ARHGAP15: variants seen among roughly 807,000 people sequenced by gnomAD.
ARHGAP15 encodes the protein rho GTPase-activating protein 15.
Under a neutral mutation model 63.7 loss-of-function variants are expected in ARHGAP15, and 51 were observed. The observed-to-expected ratio is 0.80, with a 90% CI of 0.64 to 1.01. The LOEUF (loss-of-function observed/expected upper bound fraction) is 1.01, where lower values mean the gene tolerates loss of function less well. Ranked by LOEUF, ARHGAP15 falls within the 50% of genes least tolerant of loss-of-function variation. The pLI is 0.00. For synonymous variants in ARHGAP15, 191 were observed against 193.8 expected (o/e 0.99, Z 0.12); for missense variants, 560 against 564.6 (o/e 0.99, Z 0.08).
chr2:143,712,112 G>T (rs528095544), intron 13 of ARHGAP15, among the ~76,000 whole-genome samples: 2 of 152,170 alleles, frequency 1.3e-5, no homozygotes, highest in African/African-American at 4.8e-5. Context: ...AGTAGTCCAA[G>T]CTAGAGATCC....
intron 8 of ARHGAP15, among the ~76,000 whole-genome samples, chr2:143,438,053 G>C (rs1037072055): frequency 6.6e-6 from 1 of 152,148 alleles, no homozygotes; most frequent in African/African-American, 2.4e-5. Context: ...TTTGGAACCA[G>C]AGAAAACCTA....
chr2:143,252,843 T>C (rs1680225893), intron 6 of ARHGAP15, among the ~76,000 whole-genome samples: 1 of 152,074 alleles, frequency 6.6e-6, no homozygotes, highest in Admixed American at 6.6e-5. Flanking sequence ...TAAATCTAGA[T>C]GACTTGCATC....
intron 6 of ARHGAP15, among the ~76,000 whole-genome samples, chr2:143,431,585 A>T (rs1689392617): frequency 6.6e-6 from 1 of 152,024 alleles, no homozygotes; most frequent in South Asian, 2.1e-4. Flanking sequence ...TGCCTGCAGT[A>T]ACTACTCCTT....
At chr2:143,305,030 T>C (rs1683104404) in intron 6 of ARHGAP15, among the ~76,000 whole-genome samples, 1 of 152,074 alleles carries the variant, frequency 6.6e-6, no homozygotes, top group South Asian at 2.1e-4. Context: ...TGCACACATA[T>C]GTCTATTGTG....
At chr2:143,194,253 AGTT>A (rs1191374238) in intron 2 of ARHGAP15, among the ~76,000 whole-genome samples, 1 of 152,180 alleles carries the variant, frequency 6.6e-6, no homozygotes, top group Non-Finnish European at 1.5e-5. Context: ...ATATGACTTT[AGTT>A]GTGGATAAAA....
At chr2:143,348,473 CTG>C (rs1464314391) in intron 6 of ARHGAP15, among the ~76,000 whole-genome samples, 2 of 151,978 alleles carry the variant, frequency 1.3e-5, no homozygotes, top group East Asian at 1.9e-4. Context: ...TAAAAAAAAA[CTG>C]TTATTTTCAA....
At chr2:143,433,661 A>C (rs1689482463) in intron 6 of ARHGAP15, among the ~76,000 whole-genome samples, 1 of 152,140 alleles carries the variant, frequency 6.6e-6, no homozygotes, top group Non-Finnish European at 1.5e-5. Flanking sequence ...ACTAGACTGC[A>C]AGCTGAACTA....
At chr2:143,274,596 C>T (rs1426253304) in intron 6 of ARHGAP15, among the ~76,000 whole-genome samples, 1 of 152,172 alleles carries the variant, frequency 6.6e-6, no homozygotes, top group Non-Finnish European at 1.5e-5. Flanking sequence ...TTAATTCCAT[C>T]ACATTAGGAG....
At chr2:143,727,570 T>C (rs2105476517) in intron 13 of ARHGAP15, among the ~76,000 whole-genome samples, 1 of 152,330 alleles carries the variant, frequency 6.6e-6, no homozygotes, top group Admixed American at 6.5e-5. Flanking sequence ...CTCCAGTTAA[T>C]AACTTATGGA....
At chr2:143,677,366 T>G (rs182207584) in intron 12 of ARHGAP15, among the ~76,000 whole-genome samples, 88 of 152,304 alleles carry the variant, frequency 5.8e-4, no homozygotes, top group African/African-American at 2.1e-3. Flanking sequence ...CAAGACTCCT[T>G]GGTTGTTGGA....
chr2:143,377,404 ATTAT>A (rs1341150439), intron 6 of ARHGAP15, among the ~76,000 whole-genome samples: 2 of 151,898 alleles, frequency 1.3e-5, no homozygotes, highest in African/African-American at 4.8e-5. Context: ...GTAATACATA[ATTAT>A]TTCAGAAAAA....
At chr2:143,377,080 A>G (rs114196278) in intron 6 of ARHGAP15, among the ~76,000 whole-genome samples, 2,591 of 152,224 alleles carry the variant, frequency 0.017, 22 homozygotes, top group Admixed American at 0.024. Context: ...AATGGCATAT[A>G]TGGACTGCTT....
chr2:143,255,605 A>C (rs1275839606), intron 6 of ARHGAP15, among the ~76,000 whole-genome samples: 2 of 147,088 alleles, frequency 1.4e-5, no homozygotes, highest in East Asian at 4.1e-4. Flanking sequence ...AAGATAATTT[A>C]ATAACATCTT....
At chr2:143,615,875 T>C (rs996084534) in intron 11 of ARHGAP15, among the ~76,000 whole-genome samples, 4 of 152,230 alleles carry the variant, frequency 2.6e-5, no homozygotes, top group Non-Finnish European at 5.9e-5. Context: ...TTGGAGAAGA[T>C]GGTTAAATAA....
chr2:143,134,378 G>T (rs892711954), intron 1 of ARHGAP15, among the ~76,000 whole-genome samples: 1 of 152,134 alleles, frequency 6.6e-6, no homozygotes, highest in South Asian at 2.1e-4. Context: ...GCCAAGCTTT[G>T]CAGGTTTTGC....
At chr2:143,626,642 T>A (rs1003626174) in intron 12 of ARHGAP15, among the ~76,000 whole-genome samples, 3 of 152,124 alleles carry the variant, frequency 2.0e-5, no homozygotes, top group Admixed American at 2.0e-4. Context: ...CCTATCAGAA[T>A]GCCCTTTTTT....
intron 6 of ARHGAP15, among the ~76,000 whole-genome samples, chr2:143,409,042 G>A (rs942186227): frequency 6.6e-5 from 10 of 151,874 alleles, no homozygotes; most frequent in Non-Finnish European, 1.5e-5. Context: ...GTTTAATTAT[G>A]AGTGTTTGAC....
At chr2:143,163,748 G>A (rs1690390365) in intron 2 of ARHGAP15, among the ~76,000 whole-genome samples, 2 of 152,098 alleles carry the variant, frequency 1.3e-5, no homozygotes, top group Admixed American at 6.6e-5. Context: ...CAGAAGAAAA[G>A]CACAAGTCCT....
chr2:143,737,101 G>A (rs1281966214), intron 13 of ARHGAP15, among the ~76,000 whole-genome samples: 1 of 152,238 alleles, frequency 6.6e-6, no homozygotes. Flanking sequence ...CTTTCCTCTA[G>A]TGGGAACAGA....
Sources: allele counts gnomAD v4.1 joint callset (sites outside exome capture counted in the v4.1 genomes callset), GRCh38; gene constraint gnomAD v4.1.1; transcripts MANE v1.5; gene names NCBI Gene and HGNC (gene_info 2026-07-23, HGNC 2026-07-21).